The following TDRD12 variants were observed in gnomAD, a reference collection of about 807,000 sequenced individuals.
TDRD12 encodes the protein tudor domain containing 12, also known as putative ATP-dependent RNA helicase TDRD12.
In TDRD12, 158 loss-of-function variants were observed where a neutral mutation model predicts 133.5. That is an observed-to-expected ratio of 1.18 (90% CI 1.04 to 1.35). The LOEUF (loss-of-function observed/expected upper bound fraction) is 1.35, where lower values mean the gene tolerates loss of function less well. TDRD12 is among the 40% of genes most tolerant of loss of function. The pLI is 0.00. For synonymous variants in TDRD12, 460 were observed against 477.9 expected (o/e 0.96, Z 0.49); for missense variants, 1,443 against 1,321.3 (o/e 1.09, Z -1.43).
chr19:32,723,670 A>G (rs896364993), intron 1 of TDRD12, among the ~76,000 whole-genome samples: 1 of 151,220 alleles, frequency 6.6e-6, no homozygotes, highest in African/African-American at 2.4e-5. Flanking sequence ...AGTCTACCAA[A>G]AAAAAAAAAA....
chr19:32,808,697 C>T (rs924880674), intron 22 of TDRD12, among the ~76,000 whole-genome samples: 2 of 152,156 alleles, frequency 1.3e-5, no homozygotes, highest in Non-Finnish European at 2.9e-5. Context: ...CAACCCACTA[C>T]GGTTTTCATT....
exon 2 of TDRD12, chr19:32,731,786 A>T (rs903701334): frequency 6.4e-7 from 1 of 1,551,286 alleles, no homozygotes; most frequent in Non-Finnish European, 8.7e-7. Context: ...TTAGATCATG[A>T]TGTCGATTAT....
exon 10 of TDRD12, chr19:32,828,099 G>A (rs1159237535): frequency 6.6e-6 from 1 of 152,210 alleles, no homozygotes; most frequent in East Asian, 1.9e-4. Flanking sequence ...AATTGATAGT[G>A]TTAGCATTCT....
intron 8 of TDRD12, among the ~76,000 whole-genome samples, chr19:32,772,280 T>A (rs1278954832): frequency 6.6e-6 from 1 of 152,156 alleles, no homozygotes; most frequent in Non-Finnish European, 1.5e-5. Flanking sequence ...AATGTGAGCG[T>A]CCAAGACCAC....
chr19:32,745,438 C>T (rs894616322), intron 4 of TDRD12, among the ~76,000 whole-genome samples: 2 of 152,206 alleles, frequency 1.3e-5, no homozygotes, highest in Admixed American at 6.5e-5. Flanking sequence ...TTGTCAAATT[C>T]CCCTTCAAAA....
chr19:32,827,379 T>TTCTTTTTTTTTC (rs1568504189), exon 10 of TDRD12: 2 of 411,732 alleles, frequency 4.9e-6, no homozygotes, highest in East Asian at 1.3e-4. Context: ...TTTCTTTTTT[T>TTCTTTTTTTTTC]TTTTTTTTTT....
At chr19:32,812,469 TAAAC>T (rs75190007) in intron 24 of TDRD12, among the ~76,000 whole-genome samples, 24,568 of 152,176 alleles carry the variant, frequency 0.16, 1,997 homozygotes, top group East Asian at 0.28. Context: ...ATCCAGGAAA[TAAAC>T]AAGTGAATGT....
At chr19:32,758,513 C>T (rs915572040) in intron 8 of TDRD12, among the ~76,000 whole-genome samples, 17 of 152,144 alleles carry the variant, frequency 1.1e-4, no homozygotes, top group African/African-American at 4.1e-4. Context: ...AGGCTTTAAA[C>T]TGGTTTCTGC....
chr19:32,793,900 T>G (rs1265683652), intron 13 of TDRD12, among the ~76,000 whole-genome samples: 2 of 149,240 alleles, frequency 1.3e-5, no homozygotes, highest in East Asian at 4.1e-4. Context: ...GTTCAAGTCA[T>G]TCTCCTGCCT....
intron 3 of TDRD12, among the ~76,000 whole-genome samples, chr19:32,740,549 TG>T (rs1163771906): frequency 6.6e-6 from 1 of 151,426 alleles, no homozygotes; most frequent in Non-Finnish European, 1.5e-5. Flanking sequence ...CTGCATCTCC[TG>T]GGGTTCTCTC....
At chr19:32,789,232 G>A (rs1970998240) in intron 11 of TDRD12, among the ~76,000 whole-genome samples, 1 of 152,184 alleles carries the variant, frequency 6.6e-6, no homozygotes, top group African/African-American at 2.4e-5. Context: ...CAACTGTCTT[G>A]GGGCTGTTAC....
At chr19:32,806,171 C>T (rs561713250) in intron 21 of TDRD12, among the ~76,000 whole-genome samples, 6 of 152,264 alleles carry the variant, frequency 3.9e-5, no homozygotes, top group Non-Finnish European at 4.4e-5. Context: ...CTGATCCAGA[C>T]GCAACACCAC....
chr19:32,720,074 T>A, exon 1 of TDRD12: 19 of 1,548,484 alleles, frequency 1.2e-5, no homozygotes, highest in Non-Finnish European at 1.7e-5. Flanking sequence ...GCCAGGAGGA[T>A]GCTCCAGCTC....
chr19:32,753,479 A>G (rs1969895918), intron 6 of TDRD12, among the ~76,000 whole-genome samples: 2 of 151,214 alleles, frequency 1.3e-5, no homozygotes, highest in Admixed American at 1.3e-4. Context: ...TTGGGACTAT[A>G]AGCGCATACC....
chr19:32,826,735 G>C (rs1967604639), intron 9 of TDRD12: 2 of 1,232,230 alleles, frequency 1.6e-6, no homozygotes, highest in East Asian at 6.3e-5. Flanking sequence ...GAAGAGGACA[G>C]CCACTTCCCC....
chr19:32,767,481 C>T (rs1970332321), intron 8 of TDRD12, among the ~76,000 whole-genome samples: 1 of 152,170 alleles, frequency 6.6e-6, no homozygotes, highest in Admixed American at 6.5e-5. Flanking sequence ...AATAATTCAT[C>T]ATTTTTTATT....
chr19:32,802,990 C>T (rs1971444269), exon 21 of TDRD12: 3 of 1,535,984 alleles, frequency 2.0e-6, no homozygotes, highest in Non-Finnish European at 2.6e-6. Flanking sequence ...AAGATGCGAG[C>T]CATGCGGTGG....
At chr19:32,800,717 C>G (rs1270891295) in exon 18 of TDRD12, 12 of 1,535,736 alleles carry the variant, frequency 7.8e-6, no homozygotes, top group Non-Finnish European at 1.0e-5. Flanking sequence ...CCAAGTCAGG[C>G]ACAAAAGACC....
chr19:32,734,854 G>A (rs941209909), intron 2 of TDRD12, among the ~76,000 whole-genome samples: 2 of 151,914 alleles, frequency 1.3e-5, no homozygotes, highest in African/African-American at 2.4e-5. Context: ...CCAGTGTTTC[G>A]AACTTTTTTG....
Sources: allele counts gnomAD v4.1 joint callset (sites outside exome capture counted in the v4.1 genomes callset), GRCh38; gene constraint gnomAD v4.1.1; transcripts MANE v1.5; gene names NCBI Gene and HGNC (gene_info 2026-07-23, HGNC 2026-07-21).